Variants in NECAB1 observed in about 807,000 individuals in gnomAD.
NECAB1 encodes the protein N-terminal EF-hand calcium-binding protein 1.
A neutral mutation model predicts 57.5 loss-of-function variants in NECAB1; 29 were observed. The ratio of observed to expected loss-of-function variants is 0.50; its 90% CI spans 0.38 to 0.69. The LOEUF is 0.69. NECAB1 is among the 30% of genes least tolerant of loss of function. The pLI is 0.00. For missense variants in NECAB1, 372 were observed against 413.8 expected, an observed-to-expected ratio of 0.90 and a Z score of 0.88; for synonymous variants, 142 against 147.7, an observed-to-expected ratio of 0.96 and a Z score of 0.28.
chr8:90,909,287 T>C (rs1316753418), intron 5 of NECAB1, among the ~76,000 whole-genome samples: 3 of 152,068 alleles, frequency 2.0e-5, no homozygotes, highest in East Asian at 1.9e-4. Flanking sequence ...TCTATGAACA[T>C]AGTCCAACTA....
intron 5 of NECAB1, among the ~76,000 whole-genome samples, chr8:90,910,366 C>G (rs1346582167): frequency 6.6e-6 from 1 of 151,994 alleles, no homozygotes; most frequent in Non-Finnish European, 1.5e-5. Context: ...AGGATTTGAC[C>G]TTAATAATTT....
rs1811872803 is a variant in NECAB1 at position 90,807,585 on chromosome 8, ATCT to A, written c.124+5874_124+5876del. ...CGCACTGTGCTCTCCAGACCCTCTT[ATCT>A]TCTAATCAGGGCTCCTAGCTCCAGG... On this transcript the variant is annotated intron_variant, in intron 2 of 12. Coordinates refer to ENST00000417640, the MANE Select transcript of NECAB1 (RefSeq NM_022351.5). 2.0e-5 allele frequency among the ~76,000 whole-genome samples: 3 copies of A among 152,160 alleles called. No individual in the cohort carries two copies. In the South Asian group the frequency reaches 6.2e-4, roughly 31 times the overall value.
chr8:90,813,345 G>C (rs1812000666), intron 2 of NECAB1, among the ~76,000 whole-genome samples: 1 of 151,694 alleles, frequency 6.6e-6, no homozygotes, highest in Non-Finnish European at 1.5e-5. Flanking sequence ...AGCCAGGGTA[G>C]AATGTCTAGA....
intron 10 of NECAB1, among the ~76,000 whole-genome samples, chr8:90,948,344 G>A (rs1310206793): frequency 6.6e-6 from 1 of 151,830 alleles, no homozygotes; most frequent in African/African-American, 2.4e-5. Flanking sequence ...CTGAAGTTGA[G>A]CTAAAAACAA....
At position 90,959,311 on chromosome 8, in the gene NECAB1, G is replaced by A. The variant is rs980909289; in HGVS notation, c.*3799G>A. The A allele has an allele frequency of 5.3e-6, 1 of 188,536 alleles. No homozygotes were observed. The highest frequency in any genetic ancestry group is 2.3e-5 in the African/African-American group (1 of 42,692). The allele number at this position is 188,536 out of a possible 1,614,324, so 11.7% of individuals were successfully genotyped here. ...ATATGTATTAATGTGTAAATCACAAGTAAAATGAATTCTAATGTACAAGTT... is the reference window on the plus strand; with the variant it reads ...ATATGTATTAATGTGTAAATCACAAATAAAATGAATTCTAATGTACAAGTT... On this transcript the variant is annotated 3_prime_UTR_variant, in exon 13 of 13. Coordinates refer to ENST00000417640, the MANE Select transcript of NECAB1 (RefSeq NM_022351.5).
At chr8:90,880,319 T>C (rs1808813646) in intron 4 of NECAB1, among the ~76,000 whole-genome samples, 1 of 152,128 alleles carries the variant, frequency 6.6e-6, no homozygotes, top group African/African-American at 2.4e-5. Flanking sequence ...TCTCAATATA[T>C]AAATTTATGT....
rs1811019310 is a variant in NECAB1 at position 90,955,725 on chromosome 8, A to G, written c.*213A>G. ...AAGTTCACTAATATTCTCAATATTTAATGCTAAATGCTTTGCTACATTGTA... is the reference window on the plus strand; with the variant it reads ...AAGTTCACTAATATTCTCAATATTTGATGCTAAATGCTTTGCTACATTGTA... On this transcript the variant is annotated 3_prime_UTR_variant, in exon 13 of 13. Coordinates refer to ENST00000417640, the MANE Select transcript of NECAB1 (RefSeq NM_022351.5). 4.5e-6 allele frequency: 2 copies of G among 442,998 alleles called. No individual in the cohort carries two copies. Among genetic ancestry groups the G allele is most frequent in the East Asian group, 7.3e-5 (2 of 27,354 alleles). The allele number at this position is 442,998 out of a possible 1,614,324, so 27.4% of individuals were successfully genotyped here.
At chr8:90,814,778 G>GA (rs1181378916) in intron 2 of NECAB1, among the ~76,000 whole-genome samples, 3 of 151,952 alleles carry the variant, frequency 2.0e-5, no homozygotes, top group Non-Finnish European at 2.9e-5. Context: ...TCCAGTCCTA[G>GA]AAAAAATTAT....
At chr8:90,898,587 GTCT>G (rs1303518740) in intron 5 of NECAB1, among the ~76,000 whole-genome samples, 1 of 152,076 alleles carries the variant, frequency 6.6e-6, no homozygotes, top group African/African-American at 2.4e-5. Flanking sequence ...CAATACCCCT[GTCT>G]TCTTCTCTTG....
At chr8:90,928,597 G>T (rs1477123139) in intron 8 of NECAB1, among the ~76,000 whole-genome samples, 1 of 152,150 alleles carries the variant, frequency 6.6e-6, no homozygotes, top group Admixed American at 6.5e-5. Context: ...AATGAACTAG[G>T]TGACAGTGTG....
chr8:90,836,177 T>C (rs1419358191), intron 3 of NECAB1, among the ~76,000 whole-genome samples: 1 of 152,186 alleles, frequency 6.6e-6, no homozygotes, highest in Non-Finnish European at 1.5e-5. Context: ...TTCTTTTTCC[T>C]GATATAATTA....
intron 5 of NECAB1, among the ~76,000 whole-genome samples, chr8:90,906,878 T>C (rs905748389): frequency 2.5e-4 from 26 of 104,986 alleles, no homozygotes; most frequent in Admixed American, 1.2e-3. Context: ...GATATACACA[T>C]ATATATATAT....
chr8:90,848,250 A>C (rs7003020), intron 3 of NECAB1, among the ~76,000 whole-genome samples: 45,395 of 152,052 alleles, frequency 0.3, 7,768 homozygotes, highest in East Asian at 0.74. Context: ...GTTCCCAGCA[A>C]GTTCCTCATC....
chr8:90,903,083 A>G (rs1392001525), intron 5 of NECAB1, among the ~76,000 whole-genome samples: 1 of 152,054 alleles, frequency 6.6e-6, no homozygotes, highest in Non-Finnish European at 1.5e-5. Flanking sequence ...TTTATGTGCA[A>G]ATAACTGATT....
At chr8:90,948,070 C>T (rs1810850061) in intron 10 of NECAB1, among the ~76,000 whole-genome samples, 1 of 152,080 alleles carries the variant, frequency 6.6e-6, no homozygotes, top group South Asian at 2.1e-4. Flanking sequence ...TAAACTTTAT[C>T]CTTAAGAAAA....
At chr8:90,939,113 G>A (rs1563542719) in intron 9 of NECAB1, among the ~76,000 whole-genome samples, 1 of 152,192 alleles carries the variant, frequency 6.6e-6, no homozygotes, top group African/African-American at 2.4e-5. Context: ...TGTGGGCTGT[G>A]GCTGCTTTTA....
chr8:90,807,277 C>T (rs540995462), intron 2 of NECAB1, among the ~76,000 whole-genome samples: 9 of 152,058 alleles, frequency 5.9e-5, no homozygotes, highest in Non-Finnish European at 1.3e-4. Context: ...ACTTTAAATA[C>T]TTCATTGGAT....
intron 6 of NECAB1, among the ~76,000 whole-genome samples, chr8:90,919,062 A>G (rs990139620): frequency 2.6e-5 from 4 of 152,218 alleles, no homozygotes; most frequent in South Asian, 2.1e-4. Context: ...AATAGGTATC[A>G]CTGAGAAAAT....
chr8:90,841,098 T>TA (rs1812447094), intron 3 of NECAB1, among the ~76,000 whole-genome samples: 1 of 128,340 alleles, frequency 7.8e-6, no homozygotes, highest in African/African-American at 3.1e-5. Flanking sequence ...CTACTAAAAA[T>TA]ACAAAAAAAA....
Sources: allele counts gnomAD v4.1 joint callset (sites outside exome capture counted in the v4.1 genomes callset), GRCh38; gene constraint gnomAD v4.1.1; transcripts MANE v1.5; gene names NCBI Gene and HGNC (gene_info 2026-07-23, HGNC 2026-07-21).